Variants in ADGRL3 observed in about 807,000 individuals in gnomAD.
ADGRL3 encodes adhesion G protein-coupled receptor L3.
A neutral mutation model predicts 153.5 loss-of-function variants in ADGRL3; 62 were observed. The ratio of observed to expected loss-of-function variants is 0.40; its 90% CI spans 0.33 to 0.50. The LOEUF is 0.50. Among genes scored for constraint, ADGRL3 ranks in the 20% least tolerant of loss-of-function variants. ADGRL3 has a pLI of 0.47. For missense variants in ADGRL3, 1,641 were observed against 1,859.4 expected, an observed-to-expected ratio of 0.88 and a Z score of 2.16; for synonymous variants, 710 against 672.5, an observed-to-expected ratio of 1.06 and a Z score of -0.86.
chr4:62,021,303 TC>T (rs1272180429), intron 21 of ADGRL3, among the ~76,000 whole-genome samples: 1 of 152,088 alleles, frequency 6.6e-6, no homozygotes, highest in Non-Finnish European at 1.5e-5. Context: ...TCAGCATGTA[TC>T]CCCACTTCAC....
chr4:62,058,817 A>G (rs1193362918), intron 25 of ADGRL3, among the ~76,000 whole-genome samples: 1 of 152,170 alleles, frequency 6.6e-6, no homozygotes, highest in Non-Finnish European at 1.5e-5. Context: ...AGAGGAAGAG[A>G]CAGGGCAGAC....
At position 61,587,229 on chromosome 4, in the gene ADGRL3, T is replaced by C. The variant is rs1386805770; in HGVS notation, c.262T>C (p.Phe88Leu). The change falls in exon 5 of 27, where the codon TTC (phenylalanine) becomes CTC (leucine). Residue 88 changes from phenylalanine (F) to leucine (L), a missense_variant and splice_region_variant. Phe to Leu is a conservative substitution (Grantham distance 22). This residue lies in a region of ADGRL3 where 145 missense variants were observed against 79.1 expected (regional missense o/e 1.83). Transcript: ENST00000683033. ...TTTCTTCCTCTTCCTTTTGGCAGCT[T>C]TCAGCCGTGCCCCAATTCCAATGGC... is the stretch of plus-strand genomic sequence containing the variant. Reference protein sequence around the residue: ...AQGAQIAAQAFSRAPIPMAVV... With the variant: ...AQGAQIAAQALSRAPIPMAVV... The C allele has an allele frequency of 1.9e-6, 3 of 1,601,048 alleles. No individual in the cohort carries two copies. Among genetic ancestry groups the C allele is most frequent in the African/African-American group, 2.7e-5 (2 of 74,682 alleles).
intron 9 of ADGRL3, among the ~76,000 whole-genome samples, chr4:61,878,029 G>A (rs1343193668): frequency 6.6e-6 from 1 of 152,182 alleles, no homozygotes. Flanking sequence ...TTGTAAGTTC[G>A]CTGAGGCTTC....
At chr4:61,674,996 G>A (rs1368481566) in intron 5 of ADGRL3, among the ~76,000 whole-genome samples, 1 of 151,872 alleles carries the variant, frequency 6.6e-6, no homozygotes, top group Non-Finnish European at 1.5e-5. Context: ...TTAACCTTCA[G>A]GATTAGCTGT....
chr4:61,572,133 C>A (rs2098841548), intron 4 of ADGRL3, among the ~76,000 whole-genome samples: 2 of 151,950 alleles, frequency 1.3e-5, no homozygotes, highest in South Asian at 2.1e-4. Flanking sequence ...TTTTATAAAT[C>A]CTTTTTCTTG....
At chr4:61,794,286 T>C (rs1430543463) in intron 8 of ADGRL3, among the ~76,000 whole-genome samples, 2 of 152,226 alleles carry the variant, frequency 1.3e-5, no homozygotes, top group Non-Finnish European at 2.9e-5. Flanking sequence ...TGTGCATTAG[T>C]CAGGTGGTCA....
At chr4:61,790,577 C>G (rs1017249566) in intron 8 of ADGRL3, among the ~76,000 whole-genome samples, 5 of 152,084 alleles carry the variant, frequency 3.3e-5, no homozygotes, top group Admixed American at 1.3e-4. Flanking sequence ...CTCTCTCACT[C>G]TTTCTCTCTG....
At chr4:61,898,329 A>G (rs916281074) in intron 11 of ADGRL3, among the ~76,000 whole-genome samples, 8 of 152,078 alleles carry the variant, frequency 5.3e-5, no homozygotes, top group Admixed American at 2.6e-4. Context: ...GTAAATACCC[A>G]TGGCTCATCA....
chr4:61,590,172 CTA>C (rs1409491089), intron 5 of ADGRL3, among the ~76,000 whole-genome samples: 11 of 152,018 alleles, frequency 7.2e-5, no homozygotes, highest in African/African-American at 2.2e-4. Context: ...ATTAACAAAC[CTA>C]TATTATCATA....
intron 6 of ADGRL3, among the ~76,000 whole-genome samples, chr4:61,683,485 G>C (rs1456102193): frequency 6.6e-6 from 1 of 152,080 alleles, no homozygotes; most frequent in African/African-American, 2.4e-5. Flanking sequence ...CTGAAGATGA[G>C]AAAGTGCCCC....
chr4:62,029,715 T>G (rs1325987940), intron 22 of ADGRL3, among the ~76,000 whole-genome samples: 3 of 151,044 alleles, frequency 2.0e-5, no homozygotes, highest in Non-Finnish European at 4.4e-5. Flanking sequence ...TTTTTTTTTT[T>G]TTTTTAGAAA....
chr4:61,256,452 C>A (rs902837273), intron 1 of ADGRL3, among the ~76,000 whole-genome samples: 1 of 152,056 alleles, frequency 6.6e-6, no homozygotes, highest in African/African-American at 2.4e-5. Context: ...GAGTTTTTTT[C>A]TGAACTGGTA....
At chr4:61,606,858 G>T (rs1403697758) in intron 5 of ADGRL3, among the ~76,000 whole-genome samples, 2 of 152,136 alleles carry the variant, frequency 1.3e-5, no homozygotes, top group African/African-American at 4.8e-5. Context: ...AACATAACAA[G>T]TCCAGATATG....
chr4:61,463,625 A>T (rs115599061), intron 2 of ADGRL3, among the ~76,000 whole-genome samples: 398 of 152,272 alleles, frequency 2.6e-3, no homozygotes, highest in African/African-American at 8.9e-3. Flanking sequence ...TTACATGCTA[A>T]ATGTGGCAAT....
intron 8 of ADGRL3, among the ~76,000 whole-genome samples, chr4:61,788,649 C>A (rs2097305131): frequency 1.3e-5 from 2 of 152,076 alleles, no homozygotes; most frequent in African/African-American, 2.4e-5. Flanking sequence ...CCCAAAAGAT[C>A]AAAAAACTCA....
At chr4:61,307,687 G>A (rs949497431) in intron 1 of ADGRL3, among the ~76,000 whole-genome samples, 1 of 152,064 alleles carries the variant, frequency 6.6e-6, no homozygotes, top group Non-Finnish European at 1.5e-5. Context: ...CAAAATGGAT[G>A]AAAAAGATAT....
At chr4:61,334,393 C>T (rs578150295) in intron 1 of ADGRL3, among the ~76,000 whole-genome samples, 31 of 152,172 alleles carry the variant, frequency 2.0e-4, no homozygotes, top group African/African-American at 5.5e-4. Flanking sequence ...CGATTCAGTG[C>T]GGTGGAGAGA....
At chr4:61,986,473 C>T (rs2099085936) in intron 19 of ADGRL3, among the ~76,000 whole-genome samples, 2 of 152,106 alleles carry the variant, frequency 1.3e-5, no homozygotes, top group Admixed American at 1.3e-4. Flanking sequence ...CCTCTTGTGG[C>T]TTTGTTAAAG....
intron 9 of ADGRL3, among the ~76,000 whole-genome samples, chr4:61,879,014 A>G (rs2098493278): frequency 6.6e-6 from 1 of 152,142 alleles, no homozygotes; most frequent in African/African-American, 2.4e-5. Flanking sequence ...AGATTGTTAT[A>G]TTCTTTATGC....
Sources: allele counts gnomAD v4.1 joint callset (sites outside exome capture counted in the v4.1 genomes callset), GRCh38; gene constraint gnomAD v4.1.1; regional missense constraint gnomAD v4.1.1; transcripts MANE v1.5; gene names NCBI Gene and HGNC (gene_info 2026-07-23, HGNC 2026-07-21).